The following SRPRA variants were observed in gnomAD, a reference collection of about 807,000 sequenced individuals.
SRPRA encodes SRP receptor subunit alpha.
A neutral mutation model predicts 61.1 loss-of-function variants in SRPRA; 30 were observed. The ratio of observed to expected loss-of-function variants is 0.49; its 90% CI spans 0.37 to 0.67. SRPRA has a LOEUF of 0.67. Ranked by LOEUF, SRPRA falls within the 30% of genes least tolerant of loss-of-function variation. SRPRA has a pLI of 0.00. For missense variants in SRPRA, 759 were observed against 828.4 expected (o/e 0.92, Z 1.03); for synonymous variants, 324 against 299.7 (o/e 1.08, Z -0.84).
At chr11:126,239,085 G>A in the SRPRA span, among the ~76,000 whole-genome samples, 16 of 149,210 alleles carry the variant, frequency 1.1e-4, no homozygotes, top group Non-Finnish European at 2.2e-4. Context: ...TGATCCTCCC[G>A]TGAACTTAGC....
At chr11:126,257,937 T>G in the SRPRA span, among the ~76,000 whole-genome samples, 1 of 152,140 alleles carries the variant, frequency 6.6e-6, no homozygotes, top group African/African-American at 2.4e-5. Flanking sequence ...ACACAAACAT[T>G]TTTGGTATCA....
chr11:126,255,180 T>G, the SRPRA span, among the ~76,000 whole-genome samples: 4,614 of 152,308 alleles, frequency 0.03, 238 homozygotes, highest in African/African-American at 0.1. This position sits in a 1 kb window ranked among gnomAD's most constrained non-coding sequence, Gnocchi z 4.6. Context: ...TCACACTTAC[T>G]CTTTGTGAAA....
At chr11:126,258,655 CTGT>C (rs1253019569), downstream of SRPRA, among the ~76,000 whole-genome samples, 3 of 152,222 alleles carry the variant, frequency 2.0e-5, no homozygotes, top group South Asian at 2.1e-4. Context: ...GACTCTCCTG[CTGT>C]TGTTTGCCCA....
chr11:126,267,234 C>A lies in SRPRA; in HGVS notation c.467G>T (p.Arg156Leu). 6.2e-7 allele frequency: 1 copy of A among 1,614,122 alleles called. No homozygotes were observed. The highest frequency in any genetic ancestry group is 8.5e-7 in the Non-Finnish European group (1 of 1,180,030). Residue 156 changes from arginine to leucine, a missense_variant, in exon 4 of 14, where the codon CGG (arginine) becomes CTG (leucine). Around this residue, in one of 2 missense-constraint regions of SRPRA, gnomAD observed 475 missense variants for 462.5 expected, o/e 1.03. Transcript: ENST00000332118. This position sits in a 1 kb window ranked among gnomAD's most constrained non-coding sequence, Gnocchi z 4.2. ...TGCTTTTTCCTTGGGCTTTTCCCCCCGTGTCTCAATCATGGACCTCACAGG... is the reference window on the plus strand; with the variant it reads ...TGCTTTTTCCTTGGGCTTTTCCCCCAGTGTCTCAATCATGGACCTCACAGG... ...KKPVRSMIETRGEKPKEKAKN... is the reference protein window; with the variant it reads ...KKPVRSMIETLGEKPKEKAKN...
the SRPRA span, among the ~76,000 whole-genome samples, chr11:126,249,136 G>C: frequency 1.3e-5 from 2 of 152,164 alleles, no homozygotes; most frequent in Admixed American, 6.6e-5. Flanking sequence ...ACTTTGGGAG[G>C]CTGAGGTGGG....
the SRPRA span, chr11:126,250,857 T>C: frequency 1.5e-6 from 1 of 681,258 alleles, no homozygotes; most frequent in Non-Finnish European, 2.4e-6. This position sits in a 1 kb window ranked among gnomAD's most constrained non-coding sequence, Gnocchi z 5.1. Flanking sequence ...TTTCCCTGGT[T>C]GGAGTTTTTG....
chr11:126,250,085 C>A, the SRPRA span, among the ~76,000 whole-genome samples: 7 of 137,356 alleles, frequency 5.1e-5, no homozygotes, highest in Non-Finnish European at 9.3e-5. The surrounding 1 kb of genome is among the most constrained non-coding windows in gnomAD (Gnocchi z 5.1). Context: ...AATATTTTAT[C>A]CCCGGGATTT....
At chr11:126,254,134 T>G in the SRPRA span, among the ~76,000 whole-genome samples, 45 of 152,370 alleles carry the variant, frequency 3.0e-4, no homozygotes, top group African/African-American at 1.1e-3. Context: ...TTGACAGTCA[T>G]TCCTGAAGTG....
the SRPRA span, among the ~76,000 whole-genome samples, chr11:126,251,021 T>G: frequency 6.6e-6 from 1 of 152,218 alleles, no homozygotes; most frequent in African/African-American, 2.4e-5. Context: ...CTTTAGCACT[T>G]GACAGTATTC....
At chr11:126,240,625 T>C in the SRPRA span, among the ~76,000 whole-genome samples, 2 of 152,190 alleles carry the variant, frequency 1.3e-5, no homozygotes, top group Non-Finnish European at 2.9e-5. Context: ...TGACACAATA[T>C]TCTGGTTGTT....
chr11:126,257,013 C>T, the SRPRA span, among the ~76,000 whole-genome samples: 2 of 152,278 alleles, frequency 1.3e-5, no homozygotes, highest in South Asian at 4.1e-4. Context: ...TAAAGTGCCA[C>T]TTGGATTATG....
chr11:126,256,848 A>G, the SRPRA span: 1 of 1,609,438 alleles, frequency 6.2e-7, no homozygotes, highest in Non-Finnish European at 8.5e-7. The surrounding 1 kb of genome is among the most constrained non-coding windows in gnomAD (Gnocchi z 6.6). Flanking sequence ...CAAGGGGTAC[A>G]TCAGGTAAGA....
the SRPRA span, among the ~76,000 whole-genome samples, chr11:126,257,819 A>C: frequency 3.3e-5 from 5 of 152,198 alleles, no homozygotes; most frequent in Non-Finnish European, 7.3e-5. Context: ...GGATAGGGGT[A>C]TCATACACTT....
At position 126,265,725 on chromosome 11, in the gene SRPRA, GT is replaced by G. The variant is rs1950796130; in HGVS notation, c.1138+11del. ...TACACATAAGCACTTTCTCACTTAG[GT>G]AAGTACTTACTGCTGAACGTCCCCA... On this transcript the variant is annotated intron_variant, in intron 9 of 13. Coordinates refer to ENST00000332118, the MANE Select transcript of SRPRA (RefSeq NM_003139.4). The surrounding 1 kb of genome is among the most constrained non-coding windows in gnomAD (Gnocchi z 6.3). 29 of 1,613,832 alleles carry G rather than the reference GT, an allele frequency of 1.8e-5. No homozygotes were observed. Among genetic ancestry groups the G allele is most frequent in the Non-Finnish European group, 2.4e-5 (28 of 1,179,832 alleles).
chr11:126,255,221 C>T, the SRPRA span, among the ~76,000 whole-genome samples: 7 of 152,200 alleles, frequency 4.6e-5, no homozygotes, highest in Non-Finnish European at 7.4e-5. The surrounding 1 kb of genome is among the most constrained non-coding windows in gnomAD (Gnocchi z 4.6). Context: ...TGCACATTTT[C>T]GACTTGTTCA....
At chr11:126,268,641 G>C in intron 1 of SRPRA, 47 bp downstream of exon 1, 2 of 1,508,200 alleles carry the variant, frequency 1.3e-6, no homozygotes, top group Non-Finnish European at 1.8e-6. Context: ...ACCATGGATC[G>C]GGTCAGGAAA....
rs1481627585 is a variant in SRPRA, at chr11:126,264,772, A to T, written c.1525+187T>A. On this transcript the variant is annotated intron_variant, in intron 11 of 13. Coordinates refer to ENST00000332118, the MANE Select transcript of SRPRA (RefSeq NM_003139.4). This position sits in a 1 kb window ranked among gnomAD's most constrained non-coding sequence, Gnocchi z 5.0. ...AAATTCAGGTTTCTCTGGTTAAGGT[A>T]TATTAGCTTTGCCTGCAACTACATC... 2 of 756,358 alleles carry T rather than the reference A, an allele frequency of 2.6e-6. No homozygotes were observed. The highest frequency in any genetic ancestry group is 3.5e-5 in the African/African-American group (2 of 56,752). The allele number at this position is 756,358 out of a possible 1,614,324, so 46.9% of individuals were successfully genotyped here. A position where few individuals can be genotyped will look rare whatever the true frequency, so the allele number is the denominator to read the frequency against.
downstream of SRPRA, chr11:126,261,414 C>A (rs1313790652): frequency 6.2e-7 from 1 of 1,612,782 alleles, no homozygotes; most frequent in Non-Finnish European, 8.5e-7. Context: ...ATGCTGATGT[C>A]CTCTATTTAG....
At chr11:126,259,220 G>A (rs1186559393), downstream of SRPRA, among the ~76,000 whole-genome samples, 2 of 152,116 alleles carry the variant, frequency 1.3e-5, no homozygotes, top group Non-Finnish European at 2.9e-5. Context: ...GAGGTTACAG[G>A]TCTTTTGCTG....
Sources: allele counts gnomAD v4.1 joint callset (sites outside exome capture counted in the v4.1 genomes callset), GRCh38; gene constraint gnomAD v4.1.1; regional missense constraint gnomAD v4.1.1; non-coding constraint Gnocchi (gnomAD v3.1); transcripts MANE v1.5; gene names NCBI Gene and HGNC (gene_info 2026-07-23, HGNC 2026-07-21).